GLB1: variants seen among roughly 807,000 people sequenced by gnomAD.
GLB1 encodes beta-galactosidase.
Under a neutral mutation model 74.0 loss-of-function variants are expected in GLB1, and 56 were observed. That is an observed-to-expected ratio of 0.76 (90% CI 0.61 to 0.94). The LOEUF is 0.94. Among genes scored for constraint, GLB1 ranks in the 40% least tolerant of loss-of-function variants. The pLI, the probability that GLB1 is intolerant of heterozygous loss-of-function variation, is 0.00. For missense variants in GLB1, 787 were observed against 845.5 expected, an observed-to-expected ratio of 0.93 and a Z score of 0.86; for synonymous variants, 323 against 323.6, an observed-to-expected ratio of 1.00 and a Z score of 0.02.
At chr3:33,063,105 G>A (rs1427986770) in intron 5 of GLB1, among the ~76,000 whole-genome samples, 2 of 152,180 alleles carry the variant, frequency 1.3e-5, no homozygotes, top group Non-Finnish European at 2.9e-5. Flanking sequence ...TATAGGAACT[G>A]TGCGTCAGAA....
At chr3:33,025,008 C>T (rs1323039052) in intron 10 of GLB1, among the ~76,000 whole-genome samples, 4 of 151,690 alleles carry the variant, frequency 2.6e-5, no homozygotes, top group Non-Finnish European at 1.5e-5. Flanking sequence ...TGCAATGGCA[C>T]GATCTCAGCT....
chr3:33,012,308 C>G (rs1051548327), intron 15 of GLB1, among the ~76,000 whole-genome samples: 4 of 152,194 alleles, frequency 2.6e-5, no homozygotes, highest in African/African-American at 9.6e-5. Flanking sequence ...TTTGTGTCCA[C>G]CCAAAACTCA....
At chr3:33,046,413 C>T (rs906235274) in intron 9 of GLB1, among the ~76,000 whole-genome samples, 181 bp from the exon 10 acceptor site, 7 of 152,070 alleles carry the variant, frequency 4.6e-5, no homozygotes, top group African/African-American at 1.4e-4. Flanking sequence ...TTTCTTTCTA[C>T]AGGTAGCAGT....
At chr3:33,067,426 A>AC (rs1699729368) in intron 4 of GLB1, among the ~76,000 whole-genome samples, 1 of 150,406 alleles carries the variant, frequency 6.6e-6, no homozygotes, top group Non-Finnish European at 1.5e-5. Flanking sequence ...AGCCTCCCGG[A>AC]CTACAGGCAT....
At position 33,028,851 on chromosome 3, in the gene GLB1, G is replaced by A. The variant is rs141264772; in HGVS notation, c.1069-4526C>T. ...TGGCTAATTTTTTGTATTTTTAGTA[G>A]AAACGGGTTTTCTCCATGTTGGTCA... is the stretch of plus-strand genomic sequence containing the variant. On this transcript the variant is annotated intron_variant, in intron 10 of 15. Coordinates refer to ENST00000307363, the MANE Select transcript of GLB1 (RefSeq NM_000404.4). Among the ~76,000 whole-genome samples, 1,305 of 152,120 alleles carry A rather than the reference G, an allele frequency of 8.6e-3. 16 individuals carry two copies. Among genetic ancestry groups the A allele is most frequent in the African/African-American group, 0.03 (1,232 of 41,464 alleles).
intron 2 of GLB1, among the ~76,000 whole-genome samples, chr3:33,072,084 T>C (rs1699907415): frequency 6.6e-6 from 1 of 152,248 alleles, no homozygotes; most frequent in South Asian, 2.1e-4. Flanking sequence ...GCTTTTTGTA[T>C]GACTACAGCC....
intron 1 of GLB1, chr3:33,092,538 CAGG>C (rs1235680826): frequency 7.8e-6 from 9 of 1,157,306 alleles, no homozygotes; most frequent in East Asian, 8.5e-5. Flanking sequence ...GGGAGCTCTG[CAGG>C]AGAAGGTCCC....
chr3:33,072,736 C>A, intron 1 of GLB1, 23 bp from the exon 2 acceptor site: 1 of 1,614,026 alleles, frequency 6.2e-7, no homozygotes. Context: ...GATGGGGTCA[C>A]ATGAGAACTT....
At chr3:33,022,657 C>T (rs1297770800) in intron 11 of GLB1, among the ~76,000 whole-genome samples, 4 of 138,486 alleles carry the variant, frequency 2.9e-5, no homozygotes, top group Non-Finnish European at 6.1e-5. Context: ...CTGTAACCTC[C>T]TCCTCCCAGG....
intron 10 of GLB1, among the ~76,000 whole-genome samples, chr3:33,037,699 G>A (rs561748051): frequency 6.6e-6 from 1 of 152,216 alleles, no homozygotes; most frequent in South Asian, 2.1e-4. Flanking sequence ...ATTTTCTTGG[G>A]AGCAATTGAG....
At chr3:33,020,650 G>A (rs1302024015) in intron 12 of GLB1, among the ~76,000 whole-genome samples, 1 of 152,180 alleles carries the variant, frequency 6.6e-6, no homozygotes, top group Non-Finnish European at 1.5e-5. Context: ...TAATTAATGT[G>A]TGATTATGGA....
intron 11 of GLB1, among the ~76,000 whole-genome samples, chr3:33,022,564 A>ATTTTTTTTTTTTTTTTT (rs61013692): frequency 0.18 from 11,146 of 63,664 alleles, 4,356 homozygotes; most frequent in Non-Finnish European, 0.25. Flanking sequence ...ACTGGTTAGG[A>ATTTTTTTTTTTTTTTTT]TTTTTTTTTT....
At chr3:32,964,772 T>A in the GLB1 span, among the ~76,000 whole-genome samples, 1 of 152,222 alleles carries the variant, frequency 6.6e-6, no homozygotes, top group Non-Finnish European at 1.5e-5. Flanking sequence ...ACAGTTGATA[T>A]GATTTGGCTG....
chr3:32,985,104 CA>C, the GLB1 span, among the ~76,000 whole-genome samples: 4,111 of 62,002 alleles, frequency 0.066, 153 homozygotes, highest in African/African-American at 0.18. Context: ...AACTCTGTCT[CA>C]AAAAAAAAAA....
In GLB1 at chr3:33,018,572, A is replaced by T. The variant is rs145674318; in HGVS notation, c.1234-11T>A. On this transcript the variant is annotated splice_polypyrimidine_tract_variant and intron_variant, in intron 12 of 15. Transcript: ENST00000307363. ...CACAAACCCATAATGCTGGTTAGAA[A>T]AGGATTTAAGAAAAATACATCACTA... The T allele has an allele frequency of 4.0e-4, 642 of 1,613,994 alleles. No homozygotes were observed. Among genetic ancestry groups the T allele is most frequent in the Non-Finnish European group, 4.7e-4 (552 of 1,179,910 alleles).
intron 9 of GLB1, among the ~76,000 whole-genome samples, chr3:33,049,046 T>A: frequency 6.6e-6 from 1 of 152,168 alleles, no homozygotes; most frequent in African/African-American, 2.4e-5. Context: ...CAATTTTTTT[T>A]TAAGATGAAT....
chr3:33,038,534 T>C (rs958881392), intron 10 of GLB1, among the ~76,000 whole-genome samples: 2 of 151,696 alleles, frequency 1.3e-5, no homozygotes, highest in African/African-American at 4.9e-5. Flanking sequence ...TGGTTACAAT[T>C]CCAAAAAAAT....
At chr3:33,078,712 T>C (rs1700217010) in intron 1 of GLB1, among the ~76,000 whole-genome samples, 1 of 152,250 alleles carries the variant, frequency 6.6e-6, no homozygotes, top group Non-Finnish European at 1.5e-5. Context: ...GATCATTATA[T>C]GTGATATGAT....
intron 1 of GLB1, among the ~76,000 whole-genome samples, chr3:33,079,440 T>C (rs1340267760): frequency 6.6e-6 from 1 of 152,222 alleles, no homozygotes; most frequent in African/African-American, 2.4e-5. Flanking sequence ...AGGGCATTGA[T>C]ATCTGCAACT....
Sources: allele counts gnomAD v4.1 joint callset (sites outside exome capture counted in the v4.1 genomes callset), GRCh38; gene constraint gnomAD v4.1.1; transcripts MANE v1.5; gene names NCBI Gene and HGNC (gene_info 2026-07-23, HGNC 2026-07-21).